The following LRRC4C variants were observed in gnomAD, a reference collection of about 807,000 sequenced individuals.
LRRC4C encodes the protein leucine rich repeat containing 4C, also known as leucine-rich repeat-containing protein 4C.
Under a neutral mutation model 33.6 loss-of-function variants are expected in LRRC4C, and 5 were observed. That is an observed-to-expected ratio of 0.15 (90% confidence interval 0.08 to 0.31). The LOEUF (loss-of-function observed/expected upper bound fraction) is 0.31, where lower values mean the gene tolerates loss of function less well. Among genes scored for constraint, LRRC4C ranks in the 10% least tolerant of loss-of-function variants. LRRC4C has a pLI of 1.00. For missense variants in LRRC4C, 560 were observed against 796.7 expected, an observed-to-expected ratio of 0.70 and a Z score of 3.58; for synonymous variants, 329 against 302.0, an observed-to-expected ratio of 1.09 and a Z score of -0.93.
intron 4 of LRRC4C, among the ~76,000 whole-genome samples, chr11:40,253,624 A>T (rs1168094311): frequency 6.6e-6 from 1 of 152,206 alleles, no homozygotes; most frequent in Non-Finnish European, 1.5e-5. Context: ...ATTTGCTCTT[A>T]GTAAAATAAG....
At chr11:40,970,874 G>A (rs933292534) in intron 1 of LRRC4C, among the ~76,000 whole-genome samples, 1 of 152,168 alleles carries the variant, frequency 6.6e-6, no homozygotes, top group African/African-American at 2.4e-5. Context: ...CTCTTCTAGA[G>A]ATCTATGGAA....
At chr11:40,968,007 G>C (rs1278167613) in intron 1 of LRRC4C, among the ~76,000 whole-genome samples, 1 of 151,978 alleles carries the variant, frequency 6.6e-6, no homozygotes, top group Non-Finnish European at 1.5e-5. Context: ...GATGTTGAAA[G>C]GTCAAAAGCT....
chr11:40,281,032 C>G (rs1943437528), intron 4 of LRRC4C, among the ~76,000 whole-genome samples: 1 of 151,990 alleles, frequency 6.6e-6, no homozygotes, highest in African/African-American at 2.4e-5. Flanking sequence ...ATGGGGAGGA[C>G]TAAGGATGAA....
chr11:40,763,521 C>T, intron 2 of LRRC4C, among the ~76,000 whole-genome samples: 1 of 152,078 alleles, frequency 6.6e-6, no homozygotes, highest in East Asian at 1.9e-4. Context: ...ATCACATTAC[C>T]TGGTTCTAAC....
At chr11:40,592,294 C>T (rs543633745) in intron 3 of LRRC4C, among the ~76,000 whole-genome samples, 2 of 152,254 alleles carry the variant, frequency 1.3e-5, no homozygotes, top group South Asian at 2.1e-4. Flanking sequence ...TAACATGACC[C>T]AGGGAAGGAA....
chr11:40,495,420 C>G (rs1014334610), intron 3 of LRRC4C, among the ~76,000 whole-genome samples: 7 of 152,076 alleles, frequency 4.6e-5, no homozygotes, highest in African/African-American at 1.7e-4. Context: ...CACAAATAAC[C>G]TTTGAGTAGA....
intron 1 of LRRC4C, among the ~76,000 whole-genome samples, chr11:41,162,000 G>T (rs1944493261): frequency 6.6e-6 from 1 of 152,132 alleles, no homozygotes; most frequent in Admixed American, 6.5e-5. Flanking sequence ...TATTTCTATA[G>T]GATTGGAATT....
intron 3 of LRRC4C, among the ~76,000 whole-genome samples, chr11:40,615,481 AT>A (rs898196023): frequency 6.6e-6 from 1 of 151,322 alleles, no homozygotes; most frequent in Non-Finnish European, 1.5e-5. Context: ...ATTTGAAGCT[AT>A]TTGCTTCATC....
intron 2 of LRRC4C, among the ~76,000 whole-genome samples, chr11:40,823,989 T>C (rs1389371261): frequency 6.6e-6 from 1 of 151,918 alleles, no homozygotes; most frequent in East Asian, 1.9e-4. Flanking sequence ...TGATACATGC[T>C]GTTAGATGGA....
intron 1 of LRRC4C, among the ~76,000 whole-genome samples, chr11:40,948,300 G>A (rs931824429): frequency 6.6e-5 from 10 of 152,188 alleles, no homozygotes; most frequent in East Asian, 1.9e-4. Context: ...CATAGAGTTC[G>A]TGGGTTTTAC....
intron 2 of LRRC4C, among the ~76,000 whole-genome samples, chr11:40,792,662 A>G (rs1285166719): frequency 1.3e-5 from 2 of 152,196 alleles, no homozygotes; most frequent in African/African-American, 2.4e-5. Context: ...ATTATAAATC[A>G]TGCTGCTATA....
At chr11:41,001,208 A>G (rs534441528) in intron 1 of LRRC4C, among the ~76,000 whole-genome samples, 3 of 152,240 alleles carry the variant, frequency 2.0e-5, no homozygotes, top group Non-Finnish European at 4.4e-5. Context: ...ACAATTTTTA[A>G]CTAGAATTGA....
chr11:41,184,785 A>C (rs1041134625), intron 1 of LRRC4C, among the ~76,000 whole-genome samples: 37 of 150,190 alleles, frequency 2.5e-4, no homozygotes, highest in Non-Finnish European at 5.0e-4. Context: ...CATGCTGCTG[A>C]TAACTGCATA....
At chr11:41,258,121 G>A (rs1456363887) in intron 1 of LRRC4C, among the ~76,000 whole-genome samples, 1 of 151,912 alleles carries the variant, frequency 6.6e-6, no homozygotes, top group African/African-American at 2.4e-5. Context: ...TTCAACACAT[G>A]GTGCTGAAAT....
intron 5 of LRRC4C, among the ~76,000 whole-genome samples, chr11:40,173,590 G>A (rs76396352): frequency 0.025 from 3,785 of 152,204 alleles, 84 homozygotes; most frequent in Middle Eastern, 0.085. Context: ...CTTCTGAAGA[G>A]TACAATTCAA....
At chr11:41,323,912 C>T (rs1205674232) in intron 1 of LRRC4C, among the ~76,000 whole-genome samples, 7 of 152,256 alleles carry the variant, frequency 4.6e-5, no homozygotes, top group African/African-American at 1.4e-4. Context: ...AATTAAATCT[C>T]TGAACCAATC....
At chr11:40,192,884 A>G (rs1861960296) in intron 5 of LRRC4C, among the ~76,000 whole-genome samples, 1 of 152,210 alleles carries the variant, frequency 6.6e-6, no homozygotes, top group Admixed American at 6.5e-5. Flanking sequence ...AAGCCGCTGT[A>G]GCCAGACTGC....
chr11:40,655,523 G>T (rs757804202), intron 2 of LRRC4C, among the ~76,000 whole-genome samples: 29 of 152,190 alleles, frequency 1.9e-4, no homozygotes, highest in Non-Finnish European at 3.5e-4. Context: ...AATACTAGAA[G>T]AGATCTTGGT....
chr11:40,788,520 A>G (rs931640878), intron 2 of LRRC4C, among the ~76,000 whole-genome samples: 9 of 152,342 alleles, frequency 5.9e-5, no homozygotes, highest in Admixed American at 1.3e-4. Context: ...TACCATACTT[A>G]GAACCAATTA....
Sources: gnomAD v4.1 joint callset for allele counts (sites outside exome capture counted in the v4.1 genomes callset) on GRCh38, gnomAD v4.1.1 for gene constraint, MANE v1.5 for transcripts, NCBI Gene and HGNC (gene_info 2026-07-23, HGNC 2026-07-21) for gene names.